BCKDHB: variants seen among roughly 807,000 people sequenced by gnomAD.
The protein encoded by BCKDHB is branched chain keto acid dehydrogenase E1 subunit beta, also known as 2-oxoisovalerate dehydrogenase subunit beta, mitochondrial.
BCKDHB carries 41 observed loss-of-function variants against 48.5 expected under a neutral mutation model. The ratio of observed to expected loss-of-function variants is 0.85; its 90% confidence interval spans 0.66 to 1.10. The LOEUF (loss-of-function observed/expected upper bound fraction) is 1.10. Among genes scored for constraint, BCKDHB ranks in the 50% least tolerant of loss-of-function variants. The pLI is 0.00. For missense variants in BCKDHB, 496 were observed against 494.2 expected (o/e 1.00, Z -0.03); for synonymous variants, 201 against 174.8 (o/e 1.15, Z -1.18).
At chr6:80,332,722 A>C (rs1769377680) in intron 9 of BCKDHB, among the ~76,000 whole-genome samples, 1 of 150,056 alleles carries the variant, frequency 6.7e-6, no homozygotes, top group Non-Finnish European at 1.5e-5. Flanking sequence ...AAAAAAAAAA[A>C]CACCTTCAAA....
intron 8 of BCKDHB, among the ~76,000 whole-genome samples, chr6:80,265,312 T>C (rs1199047739): frequency 6.6e-6 from 1 of 152,084 alleles, no homozygotes; most frequent in Non-Finnish European, 1.5e-5. Context: ...TAAGCATCCA[T>C]TGATAGATGA....
At chr6:80,378,161 A>G in the BCKDHB span, among the ~76,000 whole-genome samples, 1 of 152,124 alleles carries the variant, frequency 6.6e-6, no homozygotes, top group Non-Finnish European at 1.5e-5. Context: ...CTATGTGCAT[A>G]ATGGTTGAGA....
At chr6:80,225,908 T>G (rs1257053380) in intron 8 of BCKDHB, among the ~76,000 whole-genome samples, 4 of 152,188 alleles carry the variant, frequency 2.6e-5, no homozygotes, top group Non-Finnish European at 2.9e-5. Flanking sequence ...TTACCAACCA[T>G]TCACCTGTTT....
At position 80,327,082 on chromosome 6, in the gene BCKDHB, T is replaced by A. The variant is rs571941762; in HGVS notation, c.1039-16582T>A. ...AAAAAAAAATTGTTTAAGTTTGACATAAGTATAAGCCAGCAGGAAGTTGCA... is the reference window on the plus strand; with the variant it reads ...AAAAAAAAATTGTTTAAGTTTGACAAAAGTATAAGCCAGCAGGAAGTTGCA... On this transcript the variant is annotated intron_variant, in intron 9 of 9. Transcript: ENST00000320393. 1.1e-4 allele frequency among the ~76,000 whole-genome samples: 17 copies of A among 152,310 alleles called. No individual in the cohort carries two copies. The South Asian group carries it at 1.9e-3, about 17-fold the overall frequency.
intron 8 of BCKDHB, among the ~76,000 whole-genome samples, chr6:80,211,358 A>G (rs956801502): frequency 1.3e-5 from 2 of 152,196 alleles, no homozygotes; most frequent in Non-Finnish European, 2.9e-5. Flanking sequence ...ATTCCAAAGC[A>G]TATCCTGCTG....
chr6:80,428,285 G>A, the BCKDHB span, among the ~76,000 whole-genome samples: 2 of 152,062 alleles, frequency 1.3e-5, no homozygotes, highest in Non-Finnish European at 2.9e-5. Flanking sequence ...ATGGACATTT[G>A]GGTTGGTTCC....
intron 3 of BCKDHB, among the ~76,000 whole-genome samples, chr6:80,164,851 T>G (rs1339118859): frequency 6.6e-6 from 1 of 152,186 alleles, no homozygotes; most frequent in African/African-American, 2.4e-5. Flanking sequence ...TTGGATGAAT[T>G]GCATTATAAG....
chr6:80,203,363 T>G (rs767892452), intron 8 of BCKDHB, 151 bp downstream of exon 8: 34 of 657,358 alleles, frequency 5.2e-5, no homozygotes, highest in Non-Finnish European at 6.5e-5. Context: ...AAGAAAGTTG[T>G]ATAAACAGCT....
At chr6:80,279,716 A>G (rs1778121233) in intron 9 of BCKDHB, among the ~76,000 whole-genome samples, 1 of 152,014 alleles carries the variant, frequency 6.6e-6, no homozygotes, top group South Asian at 2.1e-4. Flanking sequence ...TTCCTGAATG[A>G]TAAGTATTTC....
At chr6:80,193,549 T>G (rs1773996973) in intron 6 of BCKDHB, among the ~76,000 whole-genome samples, 1 of 151,966 alleles carries the variant, frequency 6.6e-6, no homozygotes, top group Non-Finnish European at 1.5e-5. Context: ...CAAAACCCTG[T>G]ATCTACTAAA....
At chr6:80,204,574 G>A (rs1006935653) in intron 8 of BCKDHB, among the ~76,000 whole-genome samples, 1 of 151,780 alleles carries the variant, frequency 6.6e-6, no homozygotes, top group African/African-American at 2.4e-5. Context: ...TGGTGCTTTT[G>A]TATGGGGATA....
intron 3 of BCKDHB, among the ~76,000 whole-genome samples, chr6:80,151,419 C>CT (rs529086862): frequency 1.2e-3 from 169 of 142,248 alleles, no homozygotes; most frequent in Middle Eastern, 3.6e-3. Flanking sequence ...TTAAAACTAA[C>CT]TTTTTTTTTT....
At chr6:80,407,349 G>A in the BCKDHB span, among the ~76,000 whole-genome samples, 1 of 151,976 alleles carries the variant, frequency 6.6e-6, no homozygotes, top group Non-Finnish European at 1.5e-5. Flanking sequence ...GCTCTTTTTT[G>A]GTTCCATATG....
chr6:80,305,940 C>A (rs73463596), intron 9 of BCKDHB, among the ~76,000 whole-genome samples: 8,259 of 152,258 alleles, frequency 0.054, 338 homozygotes, highest in South Asian at 0.19. Flanking sequence ...GCCAGCCTGC[C>A]TGAATTCAAA....
At chr6:80,435,633 A>G in the BCKDHB span, among the ~76,000 whole-genome samples, 3 of 152,202 alleles carry the variant, frequency 2.0e-5, no homozygotes, top group African/African-American at 4.8e-5. Context: ...CCATTAAGAC[A>G]TAAAGTTCAT....
chr6:80,203,341 T>TCAA, intron 8 of BCKDHB, 129 bp downstream of exon 8: 1 of 717,026 alleles, frequency 1.4e-6, no homozygotes, highest in Non-Finnish European at 2.5e-6. Context: ...AACTTTTAAA[T>TCAA]TTGCAGCATG....
At chr6:80,199,436 G>C (rs922763664) in intron 6 of BCKDHB, among the ~76,000 whole-genome samples, 2 of 151,992 alleles carry the variant, frequency 1.3e-5, no homozygotes, top group Non-Finnish European at 2.9e-5. Context: ...TGAACAAAAG[G>C]GAACAACAGT....
chr6:80,174,690 A>G (rs1434085405), intron 6 of BCKDHB, among the ~76,000 whole-genome samples: 3 of 152,148 alleles, frequency 2.0e-5, no homozygotes, highest in Non-Finnish European at 4.4e-5. Context: ...CTTTTTCCCT[A>G]AAGTTATCTT....
intron 9 of BCKDHB, among the ~76,000 whole-genome samples, chr6:80,284,786 T>G (rs760449433): frequency 9.2e-5 from 14 of 152,286 alleles, no homozygotes; most frequent in South Asian, 2.1e-4. Flanking sequence ...AAGTCCTCAT[T>G]GTGTCCTGTC....
Sources: allele counts gnomAD v4.1 joint callset (sites outside exome capture counted in the v4.1 genomes callset), GRCh38; gene constraint gnomAD v4.1.1; transcripts MANE v1.5; gene names NCBI Gene and HGNC (gene_info 2026-07-23, HGNC 2026-07-21).